The following DTNB variants were observed in gnomAD, a reference collection of about 807,000 sequenced individuals.
DTNB encodes DTN-B.
Under a neutral mutation model 90.7 loss-of-function variants are expected in DTNB, and 63 were observed. The ratio of observed to expected loss-of-function variants is 0.69; its 90% CI spans 0.57 to 0.86. The LOEUF is 0.86. Ranked by LOEUF, DTNB falls within the 40% of genes least tolerant of loss-of-function variation. The pLI is 0.00. For synonymous variants in DTNB, 277 were observed against 286.7 expected, an observed-to-expected ratio of 0.97 and a Z score of 0.34; for missense variants, 744 against 807.1, an observed-to-expected ratio of 0.92 and a Z score of 0.95.
chr2:25,384,744 T>G (rs1013081740), intron 18 of DTNB, among the ~76,000 whole-genome samples: 3 of 152,114 alleles, frequency 2.0e-5, no homozygotes, highest in Non-Finnish European at 4.4e-5. Flanking sequence ...AGATTTTGGC[T>G]CCCCACTGAG....
At chr2:25,484,060 A>G (rs577465557) in intron 9 of DTNB, among the ~76,000 whole-genome samples, 226 of 152,166 alleles carry the variant, frequency 1.5e-3, no homozygotes, top group African/African-American at 4.6e-3. Flanking sequence ...TGCCTGCTGC[A>G]AACCTAGGCT....
At chr2:25,605,107 C>T (rs962164529) in intron 5 of DTNB, among the ~76,000 whole-genome samples, 1 of 152,156 alleles carries the variant, frequency 6.6e-6, no homozygotes, top group Non-Finnish European at 1.5e-5. Flanking sequence ...CTTCCCTACC[C>T]AAGTATTTTA....
chr2:25,531,405 G>C, intron 9 of DTNB, 68 bp downstream of exon 9: 11 of 1,556,880 alleles, frequency 7.1e-6, no homozygotes, highest in East Asian at 6.9e-5. Flanking sequence ...CCCTGGTTTT[G>C]ATCCACAGGA....
chr2:25,635,732 T>G (rs899697332), intron 3 of DTNB, among the ~76,000 whole-genome samples: 79 of 152,130 alleles, frequency 5.2e-4, no homozygotes, highest in African/African-American at 1.8e-3. Flanking sequence ...TTAGTAGAAA[T>G]TGGCAAGCAG....
At chr2:25,433,059 T>G in intron 13 of DTNB, 60 bp from the exon 14 acceptor site, 1 of 1,473,152 alleles carries the variant, frequency 6.8e-7, no homozygotes, top group Non-Finnish European at 9.0e-7. Flanking sequence ...CGCTCCCTCT[T>G]TCCCTATTAC....
intron 9 of DTNB, among the ~76,000 whole-genome samples, chr2:25,521,453 G>A (rs892918815): frequency 2.0e-5 from 3 of 150,106 alleles, no homozygotes; most frequent in African/African-American, 4.9e-5. Context: ...GCACAATCTC[G>A]GCTCACTGCA....
intron 2 of DTNB, among the ~76,000 whole-genome samples, chr2:25,639,987 T>C (rs1315857751): frequency 1.3e-5 from 2 of 152,232 alleles, no homozygotes; most frequent in Non-Finnish European, 2.9e-5. Context: ...ATTCAAGCCC[T>C]AAGCCTTTGA....
At chr2:25,478,246 G>A (rs987948100) in intron 10 of DTNB, among the ~76,000 whole-genome samples, 1 of 152,154 alleles carries the variant, frequency 6.6e-6, no homozygotes, top group African/African-American at 2.4e-5. Flanking sequence ...CACAAAAGGA[G>A]ATACCCAGGC....
chr2:25,527,139 T>C (rs912907122), intron 9 of DTNB, among the ~76,000 whole-genome samples: 4 of 152,112 alleles, frequency 2.6e-5, no homozygotes, highest in South Asian at 4.1e-4. Flanking sequence ...AGGGTTCAGA[T>C]ACATTTACAG....
At chr2:25,418,115 T>A (rs2048410349) in intron 16 of DTNB, among the ~76,000 whole-genome samples, 1 of 152,106 alleles carries the variant, frequency 6.6e-6, no homozygotes, top group African/African-American at 2.4e-5. Context: ...TCTGTGTGAA[T>A]AAAGAAAAAA....
chr2:25,592,094 C>T (rs1197463833), intron 6 of DTNB, among the ~76,000 whole-genome samples: 1 of 151,244 alleles, frequency 6.6e-6, no homozygotes, highest in Non-Finnish European at 1.5e-5. Flanking sequence ...AATATGCCTA[C>T]CCAGCTTCAA....
rs576463952 is a variant in DTNB, at chr2:25,542,325, A to T, written c.877-10728T>A. On this transcript the variant is annotated intron_variant, in intron 8 of 20. Transcript: ENST00000406818. ...TAAGGATTTAATCCATCAATCTATG[A>T]ATGTGGTAAATTATAAGAATACACC... Among the ~76,000 whole-genome samples, 5 of 152,330 alleles carry T rather than the reference A, an allele frequency of 3.3e-5. No homozygotes were observed. In the South Asian group the frequency reaches 1.0e-3, roughly 32 times the overall value.
intron 7 of DTNB, among the ~76,000 whole-genome samples, chr2:25,578,605 G>C (rs1350566349): frequency 2.6e-5 from 4 of 152,266 alleles, no homozygotes; most frequent in South Asian, 2.1e-4. Flanking sequence ...TCAGTGGAAT[G>C]GGTGACAGGT....
intron 3 of DTNB, among the ~76,000 whole-genome samples, chr2:25,631,598 G>C (rs1043552181): frequency 2.0e-5 from 3 of 149,484 alleles, no homozygotes; most frequent in Non-Finnish European, 4.4e-5. Context: ...AAAGAAAAAA[G>C]AAAATAAAGA....
At chr2:25,468,801 A>C (rs1484801512) in intron 10 of DTNB, among the ~76,000 whole-genome samples, 1 of 152,236 alleles carries the variant, frequency 6.6e-6, no homozygotes. Flanking sequence ...AAACAGATAT[A>C]AACTCTAAAG....
intron 3 of DTNB, among the ~76,000 whole-genome samples, chr2:25,633,215 C>A (rs1327403058): frequency 6.6e-6 from 1 of 152,216 alleles, no homozygotes; most frequent in African/African-American, 2.4e-5. Flanking sequence ...TGATGCCGAG[C>A]CGAAGCTGGA....
intron 16 of DTNB, among the ~76,000 whole-genome samples, chr2:25,393,858 A>G (rs1001647005): frequency 2.0e-5 from 3 of 152,170 alleles, no homozygotes; most frequent in Admixed American, 6.5e-5. Flanking sequence ...TCCCATCAAA[A>G]TACCACCATC....
chr2:25,418,678 G>A (rs1447105743), intron 16 of DTNB, among the ~76,000 whole-genome samples: 2 of 148,390 alleles, frequency 1.3e-5, no homozygotes, highest in Non-Finnish European at 3.0e-5. Flanking sequence ...TGGCCTGGGA[G>A]ACAGAGCGAG....
At chr2:25,479,512 C>A (rs1275067178) in intron 10 of DTNB, among the ~76,000 whole-genome samples, 1 of 152,088 alleles carries the variant, frequency 6.6e-6, no homozygotes, top group East Asian at 1.9e-4. Context: ...CTAAGGCAGA[C>A]AAAATTTCTT....
Sources: gnomAD v4.1 joint callset for allele counts (sites outside exome capture counted in the v4.1 genomes callset) on GRCh38, gnomAD v4.1.1 for gene constraint, MANE v1.5 for transcripts, NCBI Gene and HGNC (gene_info 2026-07-23, HGNC 2026-07-21) for gene names.